NUTM1: variants seen among roughly 807,000 people sequenced by gnomAD.
NUTM1 encodes NUT midline carcinoma family member 1.
In NUTM1, 39 loss-of-function variants were observed where a neutral mutation model predicts 88.7. The observed-to-expected ratio is 0.44, with a 90% CI of 0.34 to 0.57. The LOEUF (loss-of-function observed/expected upper bound fraction) is 0.57, where lower values mean the gene tolerates loss of function less well. Among genes scored for constraint, NUTM1 ranks in the 20% least tolerant of loss-of-function variants. NUTM1 has a pLI of 0.01. For missense variants in NUTM1, 1,350 were observed against 1,414.5 expected, an observed-to-expected ratio of 0.95 and a Z score of 0.73; for synonymous variants, 494 against 538.0, an observed-to-expected ratio of 0.92 and a Z score of 1.13.
intron 4 of NUTM1, 109 bp downstream of exon 4, chr15:34,350,941 G>C (rs1890693796): frequency 7.1e-7 from 1 of 1,400,482 alleles, no homozygotes; most frequent in African/African-American, 1.4e-5. Context: ...TGTTAGGATG[G>C]GGCGCAGCGG....
At chr15:34,351,375 T>C (rs1595611130) in intron 4 of NUTM1, among the ~76,000 whole-genome samples, 1 of 126,220 alleles carries the variant, frequency 7.9e-6, no homozygotes, top group African/African-American at 2.9e-5. Flanking sequence ...TAGCAAGACC[T>C]CATCACAAAA....
rs753485029 is a variant in NUTM1, at chr15:34,348,397, G to C, written c.529G>C (p.Gly177Arg). The change falls in exon 3 of 8, where the codon GGT (glycine) becomes CGT (arginine). Residue 177 changes from glycine (G) to arginine (R), a missense_variant. Coordinates refer to ENST00000537011, the MANE Select transcript of NUTM1 (RefSeq NM_001284292.2). ...VKTILPSKAV[G>R]VSQEGPPGLP... The stretch of plus-strand genomic sequence containing the variant: ...GACCATTCTGCCCTCTAAGGCTGTT[G>C]GTGTCAGCCAGGAGGGTCCTCCAGG... 3 of 1,614,188 alleles carry C rather than the reference G, an allele frequency of 1.9e-6. No individual in the cohort carries two copies. The highest frequency in any genetic ancestry group is 2.5e-6 in the Non-Finnish European group (3 of 1,180,028).
chr15:34,354,687 G>A lies in NUTM1; in HGVS notation c.1317G>A (p.Leu439=), dbSNP rs778815627. 6 of 1,614,096 alleles carry A rather than the reference G, an allele frequency of 3.7e-6. No homozygotes were observed. The East Asian group carries it at 6.7e-5, about 18-fold the overall frequency. ...GGATGTATCCAGATCCAGGTCTCCT[G>A]AGCTACATCAATGAGCTGTGTTCTC... ...EEGMYPDPGL[L]SYINELCSQK... is the part of the protein sequence containing the mutation. Residue 439 remains leucine (L), a synonymous_variant, in exon 6 of 8, where the codon CTG becomes CTA. Transcript: ENST00000537011.
Position 34,353,841 on chromosome 15 carries a change from G to A in NUTM1, c.1044G>A (p.Gly348=), listed in dbSNP as rs958937040. 9.3e-6 allele frequency: 15 copies of A among 1,613,706 alleles called. No homozygotes were observed. The highest frequency in any genetic ancestry group is 1.3e-5 in the African/African-American group (1 of 74,888). Residue 348 remains glycine (G), a synonymous_variant, in exon 5 of 8, where the codon GGG becomes GGA. Transcript: ENST00000537011. ...PATPLKLDPL[G]PLASEVCQQP... is the part of the protein sequence containing the mutation. ...CCCCTTTGAAACTTGATCCTCTAGGGCCCCTGGCCTCTGAGGTTTGCCAGC... is the reference window on the plus strand; with the variant it reads ...CCCCTTTGAAACTTGATCCTCTAGGACCCCTGGCCTCTGAGGTTTGCCAGC...
chr15:34,353,151 C>T (rs903129819), intron 4 of NUTM1, among the ~76,000 whole-genome samples: 1 of 151,130 alleles, frequency 6.6e-6, no homozygotes, highest in Non-Finnish European at 1.5e-5. Context: ...TCCCAAAGTG[C>T]TGGGGTTACA....
At position 34,356,118 on chromosome 15, in the gene NUTM1, C is replaced by G. The variant is rs150522550; in HGVS notation, c.2110C>G (p.Pro704Ala). The change falls in exon 8 of 8, where the codon CCT becomes GCT. Residue 704 changes from proline to alanine, a missense_variant. Pro to Ala is a conservative substitution (Grantham distance 27). Coordinates refer to ENST00000537011, the MANE Select transcript of NUTM1 (RefSeq NM_001284292.2). ...GRGVLPQGKEPLAVPWEGSSG... is the reference protein window; with the variant it reads ...GRGVLPQGKEALAVPWEGSSG... ...TGGAGTGCTTCCTCAAGGGAAGGAG[C>G]CTTTAGCAGTGCCCTGGGAAGGCTC... is the stretch of plus-strand genomic sequence containing the variant. The G allele has an allele frequency of 3.3e-5, 54 of 1,613,424 alleles. No homozygotes were observed. Among genetic ancestry groups the G allele is most frequent in the Middle Eastern group, 1.7e-4 (1 of 6,056 alleles).
chr15:34,355,800 G>A lies in NUTM1; in HGVS notation c.1792G>A (p.Ala598Thr), dbSNP rs1364578214. 1 of 1,614,208 alleles carries A rather than the reference G, an allele frequency of 6.2e-7. No homozygotes were observed. The highest frequency in any genetic ancestry group is 1.7e-5 in the Admixed American group (1 of 60,030). Residue 598 changes from alanine to threonine, a missense_variant, in exon 8 of 8, where the codon GCA becomes ACA. Ala to Thr is a moderately conservative substitution (Grantham distance 58). Transcript: ENST00000537011. This position sits in a 1 kb window ranked among gnomAD's most constrained non-coding sequence, Gnocchi z 4.3. The stretch of plus-strand genomic sequence containing the variant: ...CAGCTGGGACCTGCAGCCAGAACTT[G>A]CAGCTCCACAGGGAACTCCGGGACC... ...PSSWDLQPEL[A>T]APQGTPGPLG...
At chr15:34,350,327 C>A (rs555968319) in intron 3 of NUTM1, among the ~76,000 whole-genome samples, 15 of 152,260 alleles carry the variant, frequency 9.9e-5, no homozygotes, top group African/African-American at 3.1e-4. Context: ...AATGCAAGAG[C>A]CTTTGGACAA....
Position 34,348,608 on chromosome 15 carries a change from G to T in NUTM1, c.740G>T (p.Arg247Leu). ...TATGAGAACTTCCGTCAGTGGCAGC[G>T]TTACAAAGCCTTGGCCCGGAGGCAC... is the stretch of plus-strand genomic sequence containing the variant. ...DVYENFRQWQ[R>L]YKALARRHLS... The change falls in exon 3 of 8, where the codon CGT (arginine) becomes CTT (leucine). Residue 247 changes from arginine to leucine, a missense_variant. Transcript: ENST00000537011. 6.2e-7 allele frequency: 1 copy of T among 1,611,408 alleles called. No homozygotes were observed. The highest frequency in any genetic ancestry group is 8.5e-7 in the Non-Finnish European group (1 of 1,180,016).
intron 4 of NUTM1, among the ~76,000 whole-genome samples, chr15:34,351,525 C>T (rs979814402): frequency 6.6e-6 from 1 of 152,076 alleles, no homozygotes; most frequent in Admixed American, 6.6e-5. Flanking sequence ...AAAGCTCCCC[C>T]CTCACCAGAT....
rs201931481 is a variant in NUTM1 at position 34,348,712 on chromosome 15, G to A, written c.809+35G>A. Reference sequence around the variant, plus strand: ...GAGACCGGAGATTAATTATTCTAGGGCTTTTAAATAAGGAGGACTTTGGGG... The same window carrying A: ...GAGACCGGAGATTAATTATTCTAGGACTTTTAAATAAGGAGGACTTTGGGG... On this transcript the variant is annotated intron_variant, in intron 3 of 7. Coordinates refer to ENST00000537011, the MANE Select transcript of NUTM1 (RefSeq NM_001284292.2). The A allele has an allele frequency of 1.7e-3, 2,537 of 1,463,480 alleles. 16 individuals are homozygous for A. Among genetic ancestry groups the A allele is most frequent in the South Asian group, 0.013 (1,128 of 86,036 alleles). 90.7% of individuals were successfully genotyped at this position (1,463,480 alleles called of 1,614,324 possible).
In NUTM1 at chr15:34,343,402, A is replaced by T; in HGVS notation, c.-295A>T. On this transcript the variant is annotated 5_prime_UTR_variant, in exon 1 of 8. It adds an upstream start codon to the 5' untranslated region. Transcript: ENST00000537011. ...CGTATAGAAGCCTGTCTTTGTCTCAAGATACACACCCATTTCAGGAGCAGT... is the reference window on the plus strand; with the variant it reads ...CGTATAGAAGCCTGTCTTTGTCTCATGATACACACCCATTTCAGGAGCAGT... The T allele has an allele frequency of 1.6e-6, 1 of 619,496 alleles. No individual in the cohort carries two copies. The highest frequency in any genetic ancestry group is 2.8e-6 in the Non-Finnish European group (1 of 355,622). 38.4% of individuals were successfully genotyped at this position (619,496 alleles called of 1,614,324 possible).
In NUTM1 at chr15:34,347,949, C is replaced by A; in HGVS notation, c.101-20C>A. ...CTTCTTTTCTCCTACTCCATTTCTT[C>A]TTTTTCTTTGTCTCAACAGCATCTG... On this transcript the variant is annotated intron_variant, in intron 2 of 7. Transcript: ENST00000537011. 6.6e-7 allele frequency: 1 copy of A among 1,519,664 alleles called. No homozygotes were observed. The highest frequency in any genetic ancestry group is 2.3e-5 in the East Asian group (1 of 43,854). 94.1% of individuals were successfully genotyped at this position (1,519,664 alleles called of 1,614,324 possible).
rs370061710 is a variant in NUTM1, at chr15:34,356,926, A to G, written c.2918A>G (p.Asn973Ser). 6.2e-7 allele frequency: 1 copy of G among 1,613,556 alleles called. No homozygotes were observed. Among genetic ancestry groups the G allele is most frequent in the South Asian group, 1.1e-5 (1 of 91,040 alleles). Residue 973 changes from asparagine (N) to serine (S), a missense_variant, in exon 8 of 8, where the codon AAC becomes AGC. Coordinates refer to ENST00000537011, the MANE Select transcript of NUTM1 (RefSeq NM_001284292.2). The part of the protein sequence containing the change: ...RVDPDLSKPK[N>S]LAPLQESQES... ...GATCCTGATCTGTCCAAGCCTAAAA[A>G]CCTTGCTCCTTTACAAGAGAGTCAG...
rs1354926225 is a variant in NUTM1, at chr15:34,357,447, A to G, written c.3439A>G (p.Ser1147Gly). Residue 1147 changes from serine (S) to glycine (G), a missense_variant, in exon 8 of 8, where the codon AGT (serine) becomes GGT (glycine). Ser to Gly is a moderately conservative substitution (Grantham distance 56, BLOSUM62 0). Around this residue, in one of 5 missense-constraint regions of NUTM1, gnomAD observed 730 missense variants for 728.8 expected, o/e 1.00. Transcript: ENST00000537011. Reference protein sequence around the residue: ...PSQPRKRRCDSFVTGRRKKRR... With the variant: ...PSQPRKRRCDGFVTGRRKKRR... Reference sequence around the variant, plus strand: ...ACAGCCTCGTAAAAGGCGGTGTGACAGTTTTGTCACGGGCAGAAGGAAGAA... The same window carrying G: ...ACAGCCTCGTAAAAGGCGGTGTGACGGTTTTGTCACGGGCAGAAGGAAGAA... The G allele has an allele frequency of 1.2e-6, 2 of 1,613,130 alleles. No individual in the cohort carries two copies. The highest frequency in any genetic ancestry group is 1.3e-5 in the African/African-American group (1 of 74,980).
At chr15:34,353,638 G>A (rs771129354) in intron 4 of NUTM1, 98 bp from the exon 5 acceptor site, 17 of 1,469,672 alleles carry the variant, frequency 1.2e-5, no homozygotes, top group Admixed American at 7.1e-5. Flanking sequence ...GCCCACCTGA[G>A]AGCACTTCCT....
Position 34,353,810 on chromosome 15 carries a change from C to A in NUTM1, c.1013C>A (p.Pro338His). The change falls in exon 5 of 8, where the codon CCT (proline) becomes CAT (histidine). Residue 338 changes from proline to histidine, a missense_variant. Transcript: ENST00000537011. The stretch of plus-strand genomic sequence containing the variant: ...ATGAATGGGTCTCAGGGCCTGTCTC[C>A]TGCAACCCCTTTGAAACTTGATCCT... The part of the protein sequence containing the change: ...QLMNGSQGLS[P>H]ATPLKLDPLG... 1 of 1,614,154 alleles carries A rather than the reference C, an allele frequency of 6.2e-7. No individual in the cohort carries two copies. Among genetic ancestry groups the A allele is most frequent in the Non-Finnish European group, 8.5e-7 (1 of 1,180,022 alleles).
At position 34,356,018 on chromosome 15, in the gene NUTM1, G is replaced by C. The variant is rs1890800723; in HGVS notation, c.2010G>C (p.Glu670Asp). 1.9e-6 allele frequency: 3 copies of C among 1,614,170 alleles called. No individual in the cohort carries two copies. Among genetic ancestry groups the C allele is most frequent in the Non-Finnish European group, 2.5e-6 (3 of 1,180,026 alleles). The change falls in exon 8 of 8, where the codon GAG (glutamate) becomes GAC (aspartate). Residue 670 changes from glutamate to aspartate, a missense_variant. By Grantham distance (45) the Glu-to-Asp change is conservative. Coordinates refer to ENST00000537011, the MANE Select transcript of NUTM1 (RefSeq NM_001284292.2). The part of the protein sequence containing the change: ...STPSLDAGLA[E>D]LAPLQGQGLE... ...CCAGTTTGGATGCTGGACTTGCAGA[G>C]CTGGCTCCTCTGCAAGGACAAGGGT...
rs1302679954 is a variant in NUTM1 at position 34,355,725 on chromosome 15, G to A, written c.1717G>A (p.Asp573Asn). ...EVHGGQEQALDSPRGMHRDGN... is the reference protein window; with the variant it reads ...EVHGGQEQALNSPRGMHRDGN... ...GCATGGTGGGCAGGAGCAAGCCCTA[G>A]ATAGCCCCAGAGGGATGCACAGGGA... Residue 573 changes from aspartate (D) to asparagine (N), a missense_variant, in exon 8 of 8, where the codon GAT becomes AAT. By Grantham distance (23) the Asp-to-Asn change is conservative. This residue lies in a region of NUTM1 where 730 missense variants were observed against 728.8 expected (regional missense o/e 1.00). Coordinates refer to ENST00000537011, the MANE Select transcript of NUTM1 (RefSeq NM_001284292.2). The surrounding 1 kb of genome is among the most constrained non-coding windows in gnomAD (Gnocchi z 4.3). 11 of 1,613,508 alleles carry A rather than the reference G, an allele frequency of 6.8e-6. No homozygotes were observed. The highest frequency in any genetic ancestry group is 9.3e-6 in the Non-Finnish European group (11 of 1,179,696).
Sources: gnomAD v4.1 joint callset for allele counts (sites outside exome capture counted in the v4.1 genomes callset) on GRCh38, gnomAD v4.1.1 for gene constraint, gnomAD v4.1.1 regional missense constraint, Gnocchi (gnomAD v3.1) non-coding constraint, MANE v1.5 for transcripts, NCBI Gene and HGNC (gene_info 2026-07-23, HGNC 2026-07-21) for gene names.